The following ST6GAL1 variants were observed in gnomAD, a reference collection of about 807,000 sequenced individuals.
ST6GAL1 encodes the protein ST6 beta-galactoside alpha-2,6-sialyltransferase 1.
A neutral mutation model predicts 38.0 loss-of-function variants in ST6GAL1; 20 were observed. The observed-to-expected ratio is 0.53, with a 90% CI of 0.37 to 0.77. ST6GAL1 has a LOEUF of 0.77. Ranked by LOEUF, ST6GAL1 falls within the 30% of genes least tolerant of loss-of-function variation. ST6GAL1 has a pLI of 0.00. For synonymous variants in ST6GAL1, 196 were observed against 188.2 expected, an observed-to-expected ratio of 1.04 and a Z score of -0.34; for missense variants, 432 against 496.4, an observed-to-expected ratio of 0.87 and a Z score of 1.23.
chr3:187,064,413 G>A (rs948318923), intron 5 of ST6GAL1: 2 of 425,126 alleles, frequency 4.7e-6, no homozygotes, highest in African/African-American at 4.0e-5. Flanking sequence ...TTCACAAAGG[G>A]TTGCGAAATA....
In ST6GAL1 at chr3:187,051,304, A is replaced by G; in HGVS notation, c.663A>G (p.Gln221=). 1 of 1,614,194 alleles carries G rather than the reference A, an allele frequency of 6.2e-7. No individual in the cohort carries two copies. The highest frequency in any genetic ancestry group is 1.3e-5 in the African/African-American group (1 of 75,054). Residue 221 remains glutamine (Q), a synonymous_variant, in exon 5 of 8, where the codon CAA becomes CAG. Transcript: ENST00000169298. ...FNGAPTANFQ[Q]DVGTKTTIRL... ...GGGCACCCACAGCCAACTTCCAACA[A>G]GATGTGGGCACAAAAACTACCATTC...
At chr3:186,997,109 T>G (rs1716439405) in intron 2 of ST6GAL1, among the ~76,000 whole-genome samples, 1 of 151,914 alleles carries the variant, frequency 6.6e-6, no homozygotes, top group Admixed American at 6.6e-5. Context: ...GGAAAATAGT[T>G]AAGTAATAAT....
rs568814354 is a variant in ST6GAL1, at chr3:186,939,333, A to G, written c.-325+8499A>G. On this transcript the variant is annotated intron_variant, in intron 1 of 7. Coordinates refer to ENST00000169298, the MANE Select transcript of ST6GAL1 (RefSeq NM_173216.2). ...ACCGATCCTCCTGCCTTGGCCTCCC[A>G]AAGTGCTGGGATTACAGGCATAAGC... Among the ~76,000 whole-genome samples, 18 of 152,084 alleles carry G rather than the reference A, an allele frequency of 1.2e-4. No homozygotes were observed. In the South Asian group the frequency reaches 3.5e-3, roughly 30 times the overall value.
chr3:187,056,948 G>A (rs944527307), intron 5 of ST6GAL1, among the ~76,000 whole-genome samples: 2 of 152,148 alleles, frequency 1.3e-5, no homozygotes, highest in Non-Finnish European at 2.9e-5. Flanking sequence ...CCAGTGAAAC[G>A]TAGATTTGGT....
At chr3:186,985,284 A>G (rs1020417047) in intron 2 of ST6GAL1, among the ~76,000 whole-genome samples, 5 of 152,056 alleles carry the variant, frequency 3.3e-5, no homozygotes, top group Non-Finnish European at 7.4e-5. Context: ...AATTTTTTTA[A>G]TTTGTTATAT....
intron 2 of ST6GAL1, among the ~76,000 whole-genome samples, chr3:186,966,142 C>T (rs187858474): frequency 3.9e-5 from 6 of 152,210 alleles, no homozygotes; most frequent in East Asian, 1.9e-4. Flanking sequence ...TCAGGTAATC[C>T]GCCTGCCTAG....
intron 1 of ST6GAL1, among the ~76,000 whole-genome samples, chr3:186,953,979 C>T (rs1161009058): frequency 1.3e-5 from 2 of 152,080 alleles, no homozygotes; most frequent in Non-Finnish European, 2.9e-5. Context: ...TGATGCTCTC[C>T]CTCCCCCAGG....
intron 2 of ST6GAL1, among the ~76,000 whole-genome samples, chr3:186,969,523 T>C (rs1044263052): frequency 1.3e-5 from 2 of 152,242 alleles, no homozygotes; most frequent in African/African-American, 4.8e-5. Context: ...AATTGGGTTG[T>C]TTGTCTTCTT....
intron 2 of ST6GAL1, among the ~76,000 whole-genome samples, chr3:186,984,777 TCCCTTCCTC>T (rs1217543635): frequency 0.062 from 2,331 of 37,792 alleles, 209 homozygotes; most frequent in Non-Finnish European, 0.084. Flanking sequence ...CTTCCTTCCT[TCCCTTCCTC>T]CCTTCCTTCC....
At position 186,992,267 on chromosome 3, in the gene ST6GAL1, C is replaced by G. The variant is rs1056917513; in HGVS notation, c.-183+28341C>G. On this transcript the variant is annotated intron_variant, in intron 2 of 7. Coordinates refer to ENST00000169298, the MANE Select transcript of ST6GAL1 (RefSeq NM_173216.2). ...GATAGTGAGTGAGTTCTCACAAGAT[C>G]TGATGGTATTTTAAGTGTTTGGTAC... 1.1e-4 allele frequency among the ~76,000 whole-genome samples: 17 copies of G among 152,226 alleles called. 2 individuals are homozygous for G. The highest frequency in any genetic ancestry group is 4.1e-4 in the African/African-American group (17 of 41,544).
chr3:187,043,315 G>A lies in ST6GAL1; in HGVS notation c.607+5G>A. On this transcript the variant is annotated splice_donor_5th_base_variant and intron_variant, in intron 4 of 7. Transcript: ENST00000169298. Reference sequence around the variant, plus strand: ...CCCAACTAGGCAGAGAAATCGGTATGTTCTGGGGTTGTTCTGTGAATGGCA... The same window carrying A: ...CCCAACTAGGCAGAGAAATCGGTATATTCTGGGGTTGTTCTGTGAATGGCA... The A allele has an allele frequency of 6.2e-7, 1 of 1,609,116 alleles. No homozygotes were observed. The highest frequency in any genetic ancestry group is 8.5e-7 in the Non-Finnish European group (1 of 1,177,368).
chr3:186,984,799 CCTTCCAT>C (rs1342786884), intron 2 of ST6GAL1, among the ~76,000 whole-genome samples: 23 of 39,052 alleles, frequency 5.9e-4, no homozygotes, highest in African/African-American at 2.1e-3. Flanking sequence ...TTCCTTCCTT[CCTTCCAT>C]CCTTCCTTCC....
At chr3:186,932,837 A>G (rs1262783928) in intron 1 of ST6GAL1, among the ~76,000 whole-genome samples, 1 of 152,230 alleles carries the variant, frequency 6.6e-6, no homozygotes, top group Non-Finnish European at 1.5e-5. Context: ...AACCAAAAAA[A>G]CACTGAGAAG....
chr3:186,987,512 C>G (rs1331486765), intron 2 of ST6GAL1, among the ~76,000 whole-genome samples: 1 of 152,186 alleles, frequency 6.6e-6, no homozygotes, highest in Non-Finnish European at 1.5e-5. Flanking sequence ...CCAGATTCCC[C>G]AGCACCCAGC....
intron 5 of ST6GAL1, among the ~76,000 whole-genome samples, chr3:187,070,349 C>T (rs559200373): frequency 7.7e-4 from 117 of 151,442 alleles, no homozygotes; most frequent in African/African-American, 2.3e-3. Context: ...CGTGGTTCCC[C>T]GTGTCTCAGA....
At chr3:186,969,191 A>C (rs1715256249) in intron 2 of ST6GAL1, among the ~76,000 whole-genome samples, 1 of 26,980 alleles carries the variant, frequency 3.7e-5, no homozygotes, top group East Asian at 1.6e-3. Context: ...AGCTGGGATT[A>C]CAGGCACCTG....
At chr3:187,071,792 A>AG (rs1719388030) in intron 5 of ST6GAL1, among the ~76,000 whole-genome samples, 3 of 150,056 alleles carry the variant, frequency 2.0e-5, no homozygotes, top group African/African-American at 7.4e-5. Flanking sequence ...AAAAAAAAAA[A>AG]AAAGAAAAAG....
In ST6GAL1 at chr3:187,035,432, G is replaced by C. The variant is rs551922496; in HGVS notation, c.-182-3310G>C. ...AAAATTCATGTGTAACCAAAAAAGAGTACAAATAACTAAAGCAATCCTAAG... is the reference window on the plus strand; with the variant it reads ...AAAATTCATGTGTAACCAAAAAAGACTACAAATAACTAAAGCAATCCTAAG... On this transcript the variant is annotated intron_variant, in intron 2 of 7. Transcript: ENST00000169298. Among the ~76,000 whole-genome samples, 4 of 152,212 alleles carry C rather than the reference G, an allele frequency of 2.6e-5. No homozygotes were observed. The South Asian group carries it at 8.3e-4, about 32-fold the overall frequency.
chr3:187,054,987 T>G (rs2108589640), intron 5 of ST6GAL1, among the ~76,000 whole-genome samples: 1 of 152,290 alleles, frequency 6.6e-6, no homozygotes, highest in Middle Eastern at 3.4e-3. Flanking sequence ...CTGTTATTGG[T>G]CTATTCAGAG....
Sources: allele counts gnomAD v4.1 joint callset (sites outside exome capture counted in the v4.1 genomes callset), GRCh38; gene constraint gnomAD v4.1.1; transcripts MANE v1.5; gene names NCBI Gene and HGNC (gene_info 2026-07-23, HGNC 2026-07-21).